The following FHIT variants were observed in gnomAD, a reference collection of about 807,000 sequenced individuals.
The protein encoded by FHIT is bis(5'-adenosyl)-triphosphatase.
Under a neutral mutation model 17.9 loss-of-function variants are expected in FHIT, and 19 were observed. The ratio of observed to expected loss-of-function variants is 1.06; its 90% CI spans 0.74 to 1.56. FHIT has a LOEUF of 1.56. Ranked by LOEUF, FHIT falls within the 40% of genes most tolerant of loss-of-function variation. The pLI is 0.00. For synonymous variants in FHIT, 81 were observed against 69.7 expected, an observed-to-expected ratio of 1.16 and a Z score of -0.81; for missense variants, 248 against 189.2, an observed-to-expected ratio of 1.31 and a Z score of -1.82.
chr3:61,235,428 A>T (rs77771121), intron 1 of FHIT, among the ~76,000 whole-genome samples: 17,894 of 148,618 alleles, frequency 0.12, 1,218 homozygotes, highest in South Asian at 0.22. Context: ...AATCTAATTT[A>T]AAAAAAAAAA....
chr3:60,927,718 G>A (rs1446953932), intron 3 of FHIT, among the ~76,000 whole-genome samples: 2 of 150,916 alleles, frequency 1.3e-5, no homozygotes, highest in African/African-American at 2.4e-5. Context: ...CAGCCGCCCC[G>A]TCTGTGAGGT....
intron 4 of FHIT, among the ~76,000 whole-genome samples, chr3:60,691,641 C>T (rs2040994340): frequency 6.6e-6 from 1 of 152,202 alleles, no homozygotes; most frequent in African/African-American, 2.4e-5. Context: ...GCTGAGATTA[C>T]AGGCTTGAGG....
At chr3:61,250,569 G>C (rs751726462) in intron 1 of FHIT, among the ~76,000 whole-genome samples, 1 of 152,172 alleles carries the variant, frequency 6.6e-6, no homozygotes, top group African/African-American at 2.4e-5. Flanking sequence ...GCTGTTCCAA[G>C]GTAACACAGC....
chr3:61,113,735 C>G (rs1354178566), intron 2 of FHIT, among the ~76,000 whole-genome samples: 1 of 152,086 alleles, frequency 6.6e-6, no homozygotes, highest in Non-Finnish European at 1.5e-5. Flanking sequence ...CATTGTAACC[C>G]CAGCCTCTAA....
intron 5 of FHIT, among the ~76,000 whole-genome samples, chr3:60,533,443 A>G (rs2035860296): frequency 6.6e-6 from 1 of 152,224 alleles, no homozygotes; most frequent in Non-Finnish European, 1.5e-5. Flanking sequence ...GACTCAGTGC[A>G]GACAGAAATA....
intron 2 of FHIT, among the ~76,000 whole-genome samples, chr3:61,046,213 A>G (rs540041376): frequency 6.6e-6 from 1 of 152,190 alleles, no homozygotes; most frequent in Non-Finnish European, 1.5e-5. Context: ...TGGTTTTTAG[A>G]AAAGATCAAC....
chr3:61,171,244 T>A (rs1229696058), intron 2 of FHIT, among the ~76,000 whole-genome samples: 2 of 152,202 alleles, frequency 1.3e-5, no homozygotes, highest in Non-Finnish European at 2.9e-5. Flanking sequence ...TGGCCGCATG[T>A]ATGTCTTCTT....
intron 1 of FHIT, among the ~76,000 whole-genome samples, chr3:61,231,355 G>A (rs1022450840): frequency 2.0e-5 from 3 of 152,088 alleles, no homozygotes; most frequent in Non-Finnish European, 4.4e-5. Flanking sequence ...ATTGCTAGGT[G>A]TGGTGGTGGG....
chr3:60,177,935 T>C (rs1192920572), intron 5 of FHIT, among the ~76,000 whole-genome samples: 1 of 152,200 alleles, frequency 6.6e-6, no homozygotes, highest in Non-Finnish European at 1.5e-5. Flanking sequence ...GTTGCTGGTA[T>C]GCCACATAGG....
chr3:59,979,772 T>C (rs1447514020), intron 7 of FHIT, among the ~76,000 whole-genome samples: 1 of 152,132 alleles, frequency 6.6e-6, no homozygotes, highest in Admixed American at 6.6e-5. Flanking sequence ...TAAGCCCGTG[T>C]GACAAGAGTA....
At chr3:60,519,431 C>T (rs1418008522) in intron 5 of FHIT, among the ~76,000 whole-genome samples, 3 of 152,192 alleles carry the variant, frequency 2.0e-5, no homozygotes, top group East Asian at 1.9e-4. Context: ...CTGTACCACT[C>T]CCCATCTGCA....
chr3:60,365,571 C>A (rs1380718602), intron 5 of FHIT, among the ~76,000 whole-genome samples: 2 of 152,124 alleles, frequency 1.3e-5, no homozygotes, highest in Non-Finnish European at 2.9e-5. Context: ...TAATTCAGTT[C>A]TCATAACTCA....
At chr3:60,447,366 G>A (rs1008178159) in intron 5 of FHIT, among the ~76,000 whole-genome samples, 17 of 152,124 alleles carry the variant, frequency 1.1e-4, no homozygotes, top group African/African-American at 3.9e-4. Context: ...TGAATATGAG[G>A]TTAAATTCAA....
intron 8 of FHIT, among the ~76,000 whole-genome samples, chr3:59,872,192 A>C (rs1559684755): frequency 6.6e-6 from 1 of 152,152 alleles, no homozygotes; most frequent in African/African-American, 2.4e-5. Flanking sequence ...ACAGCAATAG[A>C]GAAGGAGGTT....
At chr3:61,188,694 G>A (rs1357217713) in intron 2 of FHIT, among the ~76,000 whole-genome samples, 2 of 151,548 alleles carry the variant, frequency 1.3e-5, no homozygotes, top group Non-Finnish European at 2.9e-5. Flanking sequence ...TAAAATACTG[G>A]CAAACCGAAT....
intron 7 of FHIT, among the ~76,000 whole-genome samples, chr3:59,922,821 C>A (rs1705473759): frequency 6.6e-6 from 1 of 152,146 alleles, no homozygotes; most frequent in African/African-American, 2.4e-5. Flanking sequence ...AATGAGGTAG[C>A]AAGTAGTATG....
At chr3:61,163,350 T>C (rs1268085210) in intron 2 of FHIT, among the ~76,000 whole-genome samples, 1 of 152,234 alleles carries the variant, frequency 6.6e-6, no homozygotes, top group Non-Finnish European at 1.5e-5. Flanking sequence ...ACTAGAATAA[T>C]GCTCGCTGAT....
chr3:60,092,007 C>G (rs1216533009), intron 5 of FHIT, among the ~76,000 whole-genome samples: 2 of 152,090 alleles, frequency 1.3e-5, no homozygotes, highest in Non-Finnish European at 2.9e-5. Flanking sequence ...AGGAGTCTCC[C>G]CCTGGTTGGC....
chr3:59,774,764 C>A (rs1186015727), intron 8 of FHIT, among the ~76,000 whole-genome samples: 1 of 152,166 alleles, frequency 6.6e-6, no homozygotes, highest in Non-Finnish European at 1.5e-5. Flanking sequence ...ACGTGAGATT[C>A]AATACATATT....
Sources: allele counts gnomAD v4.1 joint callset (sites outside exome capture counted in the v4.1 genomes callset), GRCh38; gene constraint gnomAD v4.1.1; transcripts MANE v1.5; gene names NCBI Gene and HGNC (gene_info 2026-07-23, HGNC 2026-07-21).